Variants in HNRNPC observed in about 807,000 individuals in gnomAD.
The protein encoded by HNRNPC is heterogeneous nuclear ribonucleoprotein C, also known as heterogeneous nuclear ribonucleoproteins C1/C2.
A neutral mutation model predicts 33.2 loss-of-function variants in HNRNPC; 3 were observed. The ratio of observed to expected loss-of-function variants is 0.09; its 90% confidence interval spans 0.04 to 0.23. The LOEUF (loss-of-function observed/expected upper bound fraction) is 0.23, where lower values mean the gene tolerates loss of function less well. HNRNPC is among the 10% of genes least tolerant of loss of function. The pLI is 1.00. For missense variants in HNRNPC, 143 were observed against 366.7 expected (o/e 0.39, Z 4.98); for synonymous variants, 121 against 126.7 (o/e 0.96, Z 0.30).
At chr14:21,231,317 T>C (rs1460928002) in intron 3 of HNRNPC, 3 of 604,504 alleles carry the variant, frequency 5.0e-6, no homozygotes, top group Non-Finnish European at 9.3e-6. Flanking sequence ...CTACGAAGTT[T>C]AGAAAATCAC....
chr14:21,234,744 A>C (rs1431192142), intron 2 of HNRNPC: 1 of 153,306 alleles, frequency 6.5e-6, no homozygotes, highest in East Asian at 1.9e-4. Context: ...CATTAGCTAG[A>C]TTAATATGGA....
chr14:21,212,440 G>A (rs962704145), intron 6 of HNRNPC, among the ~76,000 whole-genome samples: 8 of 151,990 alleles, frequency 5.3e-5, no homozygotes, highest in Non-Finnish European at 7.4e-5. Flanking sequence ...GGAACTTAAC[G>A]CACACCTCAA....
intron 2 of HNRNPC, among the ~76,000 whole-genome samples, chr14:21,250,448 T>C (rs909741124): frequency 2.0e-5 from 3 of 152,208 alleles, no homozygotes; most frequent in African/African-American, 7.2e-5. Flanking sequence ...ATTATAACTA[T>C]GACAGATCTA....
chr14:21,216,833 C>A (rs985693317), intron 5 of HNRNPC, among the ~76,000 whole-genome samples: 2 of 152,094 alleles, frequency 1.3e-5, no homozygotes, highest in African/African-American at 4.8e-5. Flanking sequence ...GATAAAAAAA[C>A]TGATATAAAA....
chr14:21,269,266 G>C (rs1284398843), intron 1 of HNRNPC, 32 bp downstream of exon 1: 1 of 152,256 alleles, frequency 6.6e-6, no homozygotes, highest in Non-Finnish European at 1.5e-5. Context: ...GAAAAACCCA[G>C]CGCCTTCCCT....
At chr14:21,241,361 T>C (rs1283365665) in intron 2 of HNRNPC, among the ~76,000 whole-genome samples, 1 of 151,966 alleles carries the variant, frequency 6.6e-6, no homozygotes, top group African/African-American at 2.4e-5. Flanking sequence ...AAATATGCTA[T>C]ATATGTAAAA....
At chr14:21,267,925 T>C (rs1879290037) in intron 1 of HNRNPC, among the ~76,000 whole-genome samples, 2 of 152,256 alleles carry the variant, frequency 1.3e-5, no homozygotes, top group Non-Finnish European at 2.9e-5. Context: ...TTTAAGTTCC[T>C]GTAATAATAT....
At chr14:21,269,047 G>A (rs1468837139) in intron 1 of HNRNPC, among the ~76,000 whole-genome samples, 1 of 152,130 alleles carries the variant, frequency 6.6e-6, no homozygotes, top group Non-Finnish European at 1.5e-5. Flanking sequence ...AAGGAAAGCA[G>A]CCGTTAACAC....
chr14:21,217,379 C>T lies in HNRNPC; in HGVS notation c.366-4262G>A, dbSNP rs553517466. Among the ~76,000 whole-genome samples the T allele has an allele frequency of 1.2e-3, 180 of 152,328 alleles. 2 individuals carry two copies. In the South Asian group the frequency reaches 0.034, roughly 29 times the overall value. The stretch of plus-strand genomic sequence containing the variant: ...CGGATACTATCAACTGCAAGCACCA[C>T]TCATTTAAAATATAAAACGACTAAA... On this transcript the variant is annotated intron_variant, in intron 5 of 8. Coordinates refer to ENST00000553300, the MANE Select transcript of HNRNPC (RefSeq NM_004500.4).
intron 2 of HNRNPC, among the ~76,000 whole-genome samples, chr14:21,250,523 G>A (rs953957839): frequency 1.3e-5 from 2 of 152,060 alleles, no homozygotes; most frequent in South Asian, 2.1e-4. Context: ...GTTATATCAC[G>A]CCAAGATATA....
At chr14:21,212,832 C>T in intron 6 of HNRNPC, 128 bp downstream of exon 6, 2 of 1,229,586 alleles carry the variant, frequency 1.6e-6, no homozygotes, top group South Asian at 2.7e-5. Context: ...CATGAGCCAC[C>T]ACACACCCAG....
chr14:21,259,690 T>C (rs949157305), intron 2 of HNRNPC, among the ~76,000 whole-genome samples: 5 of 152,064 alleles, frequency 3.3e-5, no homozygotes, highest in African/African-American at 9.7e-5. Flanking sequence ...TCTAATCTCA[T>C]AGCATTACCT....
intron 2 of HNRNPC, among the ~76,000 whole-genome samples, 184 bp from the exon 3 acceptor site, chr14:21,234,413 C>T (rs1385336440): frequency 6.6e-6 from 1 of 152,090 alleles, no homozygotes; most frequent in Non-Finnish European, 1.5e-5. Context: ...TGAATATACT[C>T]TAGAAAGTCA....
At chr14:21,269,034 TGAAAG>T (rs1879501297) in intron 1 of HNRNPC, among the ~76,000 whole-genome samples, 1 of 151,904 alleles carries the variant, frequency 6.6e-6, no homozygotes, top group Admixed American at 6.6e-5. Flanking sequence ...TCGTAGAAAA[TGAAAG>T]GAAAGCAGCC....
At chr14:21,224,420 C>T (rs1478711623) in intron 5 of HNRNPC, among the ~76,000 whole-genome samples, 2 of 152,180 alleles carry the variant, frequency 1.3e-5, no homozygotes, top group African/African-American at 2.4e-5. Flanking sequence ...GAAATTCTGA[C>T]AGCACAAACT....
intron 5 of HNRNPC, among the ~76,000 whole-genome samples, chr14:21,220,311 T>C (rs544882474): frequency 3.2e-4 from 49 of 150,964 alleles, no homozygotes; most frequent in African/African-American, 1.1e-3. Flanking sequence ...CAATCTCAGC[T>C]CACTGTAACC....
intron 5 of HNRNPC, among the ~76,000 whole-genome samples, chr14:21,220,052 C>T (rs1892648437): frequency 1.3e-5 from 2 of 152,348 alleles, no homozygotes; most frequent in Middle Eastern, 6.8e-3. Flanking sequence ...CTTCTCTGAA[C>T]AGCCACCCAT....
chr14:21,253,543 T>C (rs145802149), intron 2 of HNRNPC, among the ~76,000 whole-genome samples: 247 of 149,540 alleles, frequency 1.7e-3, no homozygotes, highest in African/African-American at 4.3e-3. Flanking sequence ...AATCTCAAAC[T>C]ATACACAGAA....
intron 5 of HNRNPC, among the ~76,000 whole-genome samples, chr14:21,214,825 A>C (rs1566594714): frequency 6.6e-6 from 1 of 152,228 alleles, no homozygotes; most frequent in Admixed American, 6.5e-5. Context: ...TAACACTTGC[A>C]CAAACACAAA....
Sources: allele counts gnomAD v4.1 joint callset (sites outside exome capture counted in the v4.1 genomes callset), GRCh38; gene constraint gnomAD v4.1.1; transcripts MANE v1.5; gene names NCBI Gene and HGNC (gene_info 2026-07-23, HGNC 2026-07-21).